The following NAT8L variants were observed in gnomAD, a reference collection of about 807,000 sequenced individuals.
NAT8L encodes the protein aspartate N-acetyltransferase, also known as N-acetylaspartate synthetase.
Under a neutral mutation model 21.2 loss-of-function variants are expected in NAT8L, and 6 were observed. That is an observed-to-expected ratio of 0.28 (90% CI 0.16 to 0.56). NAT8L has a LOEUF of 0.56. Among genes scored for constraint, NAT8L ranks in the 20% least tolerant of loss-of-function variants. NAT8L has a pLI of 0.93. For synonymous variants in NAT8L, 239 were observed against 204.9 expected (o/e 1.17, Z -1.42); for missense variants, 331 against 433.3 (o/e 0.76, Z 2.10).
At position 2,059,928 on chromosome 4, in the gene NAT8L, C is replaced by A; in HGVS notation, c.376+41C>A. 1 of 1,112,022 alleles carries A rather than the reference C, an allele frequency of 9.0e-7. No homozygotes were observed. The highest frequency in any genetic ancestry group is 1.1e-6 in the Non-Finnish European group (1 of 899,278). 68.9% of individuals were successfully genotyped at this position (1,112,022 alleles called of 1,614,324 possible). The stretch of plus-strand genomic sequence containing the variant: ...CCCCGGCTGCCGCAGTCCCTCGGGC[C>A]GGCGCGGAGCTCCCCCGCCCCGGCG... On this transcript the variant is annotated intron_variant, in intron 1 of 2. Coordinates refer to ENST00000423729, the MANE Select transcript of NAT8L (RefSeq NM_178557.4). The surrounding 1 kb of genome is among the most constrained non-coding windows in gnomAD (Gnocchi z 4.8).
chr4:2,068,359 T>C lies in NAT8L; in HGVS notation c.*4232T>C, dbSNP rs1213414821. The C allele has an allele frequency of 6.6e-6, 1 of 152,294 alleles. No homozygotes were observed. Among genetic ancestry groups the C allele is most frequent in the African/African-American group, 2.4e-5 (1 of 41,442 alleles). The allele number at this position is 152,294 out of a possible 1,614,324, so 9.4% of individuals were successfully genotyped here. The stretch of plus-strand genomic sequence containing the variant: ...CGTGTACATGTGTTTGTGTCTTGGG[T>C]ATGCATAAGCATGCACGTGTGTATG... On this transcript the variant is annotated 3_prime_UTR_variant, in exon 3 of 3. Transcript: ENST00000423729.
Position 2,065,799 on chromosome 4 carries a change from G to A in NAT8L, c.*1672G>A, listed in dbSNP as rs1299093150. Reference sequence around the variant, plus strand: ...CCCTGGAGGTGCCCGGTCCCCGCTTGGGGATGGGAGTTTTGTAGACTGTAC... The same window carrying A: ...CCCTGGAGGTGCCCGGTCCCCGCTTAGGGATGGGAGTTTTGTAGACTGTAC... On this transcript the variant is annotated 3_prime_UTR_variant, in exon 3 of 3. Transcript: ENST00000423729. The A allele has an allele frequency of 1.3e-5, 2 of 152,620 alleles. No individual in the cohort carries two copies. Among genetic ancestry groups the A allele is most frequent in the African/African-American group, 4.8e-5 (2 of 41,454 alleles). 9.5% of individuals were successfully genotyped at this position (152,620 alleles called of 1,614,324 possible). A position where few individuals can be genotyped will look rare whatever the true frequency, so the allele number is the denominator to read the frequency against.
chr4:2,064,249 A>C lies in NAT8L; in HGVS notation c.*122A>C. On this transcript the variant is annotated 3_prime_UTR_variant, in exon 3 of 3. Transcript: ENST00000423729. ...CGTTTGTGTTGGGTTTCCCCTTTTC[A>C]ACATCCTGCGGTTGTCTGGCTGGTT... 1.6e-6 allele frequency: 1 copy of C among 637,694 alleles called. No individual in the cohort carries two copies. Among genetic ancestry groups the C allele is most frequent in the Non-Finnish European group, 2.1e-6 (1 of 476,392 alleles). 39.5% of individuals were successfully genotyped at this position (637,694 alleles called of 1,614,324 possible).
chr4:2,060,806 G>A lies in NAT8L; in HGVS notation c.377-192G>A, dbSNP rs1261965418. On this transcript the variant is annotated intron_variant, in intron 1 of 2. Transcript: ENST00000423729. This position sits in a 1 kb window ranked among gnomAD's most constrained non-coding sequence, Gnocchi z 4.7. ...CCGCCGAGGCTCATTCCAGGCGGTGGGGGTGGGTGGGGTGGCTGTCTTCAC... is the reference window on the plus strand; with the variant it reads ...CCGCCGAGGCTCATTCCAGGCGGTGAGGGTGGGTGGGGTGGCTGTCTTCAC... 2.0e-5 allele frequency among the ~76,000 whole-genome samples: 3 copies of A among 152,184 alleles called. No individual in the cohort carries two copies. Among genetic ancestry groups the A allele is most frequent in the Non-Finnish European group, 4.4e-5 (3 of 68,018 alleles).
chr4:2,060,014 C>T lies in NAT8L; in HGVS notation c.376+127C>T. The T allele has an allele frequency of 2.2e-6, 1 of 449,840 alleles. No homozygotes were observed. The highest frequency in any genetic ancestry group is 1.0e-4 in the South Asian group (1 of 9,882). The allele number at this position is 449,840 out of a possible 1,614,324, so 27.9% of individuals were successfully genotyped here. On this transcript the variant is annotated intron_variant, in intron 1 of 2. Coordinates refer to ENST00000423729, the MANE Select transcript of NAT8L (RefSeq NM_178557.4). The surrounding 1 kb of genome is among the most constrained non-coding windows in gnomAD (Gnocchi z 4.7). ...GCCTGGGAAGCCCCCCGCTTTCTGC[C>T]GCGCCGGGCCCCGCGCAGGGCTGGC... is the stretch of plus-strand genomic sequence containing the variant.
rs942754156 is a variant in NAT8L, at chr4:2,061,155, G to T, written c.534G>T (p.Lys178Asn). The T allele has an allele frequency of 6.2e-7, 1 of 1,610,532 alleles. No homozygotes were observed. Among genetic ancestry groups the T allele is most frequent in the Admixed American group, 1.7e-5 (1 of 59,928 alleles). Residue 178 changes from lysine (K) to asparagine (N), a missense_variant, in exon 2 of 3, where the codon AAG becomes AAT. By Grantham distance (94) the Lys-to-Asn change is moderately conservative (BLOSUM62 0). Transcript: ENST00000423729. ...DMADIEQYYM[K>N]PPGSCFWVAV... is the part of the protein sequence containing the mutation. ...CGGACATCGAGCAGTACTACATGAA[G>T]CCGCCCGGTGAGTCCCGCTCCCGCC...
rs540257424 is a variant in NAT8L, at chr4:2,068,657, G to C, written c.*4530G>C. On this transcript the variant is annotated 3_prime_UTR_variant, in exon 3 of 3. Transcript: ENST00000423729. ...AGCATGCATGCGTGCGAGTGCCTGTGTGTGTACTTGCATATATGTGGCTGT... is the reference window on the plus strand; with the variant it reads ...AGCATGCATGCGTGCGAGTGCCTGTCTGTGTACTTGCATATATGTGGCTGT... 6.6e-6 allele frequency: 1 copy of C among 152,286 alleles called. No homozygotes were observed. Among genetic ancestry groups the C allele is most frequent in the Non-Finnish European group, 1.5e-5 (1 of 68,068 alleles). The allele number at this position is 152,286 out of a possible 1,614,324, so 9.4% of individuals were successfully genotyped here.
chr4:2,064,258 C>A lies in NAT8L; in HGVS notation c.*131C>A. On this transcript the variant is annotated 3_prime_UTR_variant, in exon 3 of 3. Coordinates refer to ENST00000423729, the MANE Select transcript of NAT8L (RefSeq NM_178557.4). ...TGGGTTTCCCCTTTTCAACATCCTG[C>A]GGTTGTCTGGCTGGTTCCGGGGGGT... is the stretch of plus-strand genomic sequence containing the variant. 1 of 565,524 alleles carries A rather than the reference C, an allele frequency of 1.8e-6. No homozygotes were observed. Among genetic ancestry groups the A allele is most frequent in the Non-Finnish European group, 2.4e-6 (1 of 411,752 alleles). 35.0% of individuals were successfully genotyped at this position (565,524 alleles called of 1,614,324 possible).
intron 2 of NAT8L, 36 bp downstream of exon 2, chr4:2,061,198 C>G (rs775297838): frequency 6.2e-7 from 1 of 1,609,218 alleles, no homozygotes; most frequent in African/African-American, 1.3e-5. Flanking sequence ...GACCTCCGCC[C>G]CAGACAGCCC....
rs1248372440 is a variant in NAT8L at position 2,068,492 on chromosome 4, T to C, written c.*4365T>C. 1 of 152,240 alleles carries C rather than the reference T, an allele frequency of 6.6e-6. No homozygotes were observed. The highest frequency in any genetic ancestry group is 6.5e-5 in the Admixed American group (1 of 15,280). 9.4% of individuals were successfully genotyped at this position (152,240 alleles called of 1,614,324 possible). ...GAGTGTATGAGTGCATACATATGCA[T>C]ATGGTGTACGTGTGTGTACTTTGTG... On this transcript the variant is annotated 3_prime_UTR_variant, in exon 3 of 3. Transcript: ENST00000423729.
chr4:2,060,237 C>T lies in NAT8L; in HGVS notation c.376+350C>T, dbSNP rs1383755410. Reference sequence around the variant, plus strand: ...GCCCCGGCGAGTGCCTAAATATAATCTGCGGGCGGGGGAGGCCGCCTCCCG... The same window carrying T: ...GCCCCGGCGAGTGCCTAAATATAATTTGCGGGCGGGGGAGGCCGCCTCCCG... On this transcript the variant is annotated intron_variant, in intron 1 of 2. Transcript: ENST00000423729. The surrounding 1 kb of genome is among the most constrained non-coding windows in gnomAD (Gnocchi z 4.7). 6.6e-6 allele frequency among the ~76,000 whole-genome samples: 1 copy of T among 152,060 alleles called. No individual in the cohort carries two copies. The highest frequency in any genetic ancestry group is 6.5e-5 in the Admixed American group (1 of 15,274).
At chr4:2,063,460 C>T (rs1233277595) in intron 2 of NAT8L, among the ~76,000 whole-genome samples, 1 of 152,272 alleles carries the variant, frequency 6.6e-6, no homozygotes, top group Non-Finnish European at 1.5e-5. Flanking sequence ...GCGCAGCCTC[C>T]AGGCTTGAGT....
In NAT8L at chr4:2,067,633, C is replaced by T. The variant is rs1236253758; in HGVS notation, c.*3506C>T. 1 of 152,458 alleles carries T rather than the reference C, an allele frequency of 6.6e-6. No individual in the cohort carries two copies. The highest frequency in any genetic ancestry group is 1.5e-5 in the Non-Finnish European group (1 of 68,228). The allele number at this position is 152,458 out of a possible 1,614,324, so 9.4% of individuals were successfully genotyped here. On this transcript the variant is annotated 3_prime_UTR_variant, in exon 3 of 3. Coordinates refer to ENST00000423729, the MANE Select transcript of NAT8L (RefSeq NM_178557.4). Reference sequence around the variant, plus strand: ...GAGGCTGGGAACTTGGGTTCCTGGGCTCTGCTGGCGCCTGGGCTTTGTGGG... The same window carrying T: ...GAGGCTGGGAACTTGGGTTCCTGGGTTCTGCTGGCGCCTGGGCTTTGTGGG...
At chr4:2,062,799 C>T (rs1315674453) in intron 2 of NAT8L, among the ~76,000 whole-genome samples, 1 of 152,154 alleles carries the variant, frequency 6.6e-6, no homozygotes, top group East Asian at 1.9e-4. Context: ...GGTGCAGAGC[C>T]TCCTTGAGTA....
Position 2,061,710 on chromosome 4 carries a change from G to C in NAT8L, c.541+548G>C, listed in dbSNP as rs545319412. Among the ~76,000 whole-genome samples, 104 of 152,278 alleles carry C rather than the reference G, an allele frequency of 6.8e-4. 1 individual carries two copies. Among genetic ancestry groups the C allele is most frequent in the Middle Eastern group, 3.4e-3 (1 of 294 alleles). On this transcript the variant is annotated intron_variant, in intron 2 of 2. Coordinates refer to ENST00000423729, the MANE Select transcript of NAT8L (RefSeq NM_178557.4). ...GGAGGAGCTGGGTCTGGGCTCTAGG[G>C]GGGGTGGGGGTTGTTCTCCACCCTC...
chr4:2,061,645 C>A (rs1235641064), intron 2 of NAT8L, among the ~76,000 whole-genome samples: 3 of 152,006 alleles, frequency 2.0e-5, no homozygotes, highest in Admixed American at 2.0e-4. Context: ...GGCCGCTTAG[C>A]TGAAGGGTTT....
chr4:2,062,903 G>A (rs2108680591), intron 2 of NAT8L, among the ~76,000 whole-genome samples: 1 of 152,290 alleles, frequency 6.6e-6, no homozygotes, highest in East Asian at 1.9e-4. Flanking sequence ...TCTGCCTTTG[G>A]CTGCTGGAGG....
Position 2,064,262 on chromosome 4 carries a change from T to A in NAT8L, c.*135T>A. The A allele has an allele frequency of 1.8e-6, 1 of 542,594 alleles. No individual in the cohort carries two copies. Among genetic ancestry groups the A allele is most frequent in the Non-Finnish European group, 2.6e-6 (1 of 391,484 alleles). The allele number at this position is 542,594 out of a possible 1,614,324, so 33.6% of individuals were successfully genotyped here. ...TTTCCCCTTTTCAACATCCTGCGGTTGTCTGGCTGGTTCCGGGGGGTGCGG... is the reference window on the plus strand; with the variant it reads ...TTTCCCCTTTTCAACATCCTGCGGTAGTCTGGCTGGTTCCGGGGGGTGCGG... On this transcript the variant is annotated 3_prime_UTR_variant, in exon 3 of 3. Coordinates refer to ENST00000423729, the MANE Select transcript of NAT8L (RefSeq NM_178557.4).
intron 2 of NAT8L, among the ~76,000 whole-genome samples, chr4:2,061,398 A>T (rs1729887034): frequency 6.6e-6 from 1 of 152,106 alleles, no homozygotes; most frequent in East Asian, 1.9e-4. Flanking sequence ...CAGTGGCTCC[A>T]CCGTTCCCTG....
Sources: gnomAD v4.1 joint callset for allele counts (sites outside exome capture counted in the v4.1 genomes callset) on GRCh38, gnomAD v4.1.1 for gene constraint, Gnocchi (gnomAD v3.1) non-coding constraint, MANE v1.5 for transcripts, NCBI Gene and HGNC (gene_info 2026-07-23, HGNC 2026-07-21) for gene names.